The following CAMSAP2 variants were observed in gnomAD, a reference collection of about 807,000 sequenced individuals.
The protein encoded by CAMSAP2 is calmodulin-regulated spectrin-associated protein 2.
In CAMSAP2, 26 loss-of-function variants were observed where a neutral mutation model predicts 146.1. The ratio of observed to expected loss-of-function variants is 0.18; its 90% CI spans 0.13 to 0.25. The LOEUF is 0.25. Ranked by LOEUF, CAMSAP2 falls within the 10% of genes least tolerant of loss-of-function variation. The probability of loss-of-function intolerance (pLI) is 1.00; values close to 1 mark genes in which losing one functional copy is unlikely to be tolerated. For synonymous variants in CAMSAP2, 499 were observed against 596.6 expected, an observed-to-expected ratio of 0.84 and a Z score of 2.38; for missense variants, 1,381 against 1,759.3, an observed-to-expected ratio of 0.78 and a Z score of 3.85.
Position 200,847,685 on chromosome 1 carries a change from T to G in CAMSAP2, c.1238T>G (p.Ile413Arg). Residue 413 changes from isoleucine (I) to arginine (R), a missense_variant, in exon 10 of 17, where the codon ATA (isoleucine) becomes AGA (arginine). Around this residue, in one of 4 missense-constraint regions of CAMSAP2, gnomAD observed 447 missense variants for 462.2 expected, o/e 0.97. Coordinates refer to ENST00000358823, the MANE Select transcript of CAMSAP2 (RefSeq NM_203459.4). ...TCTATGTCTTATGTTGATGGCTTCA[T>G]AGGGACATGGCCCAAAGAGAAAAGG... ...SSSMSYVDGF[I>R]GTWPKEKRSS... 1 of 1,612,720 alleles carries G rather than the reference T, an allele frequency of 6.2e-7. No homozygotes were observed. Among genetic ancestry groups the G allele is most frequent in the Non-Finnish European group, 8.5e-7 (1 of 1,179,064 alleles).
At chr1:200,854,295 T>A (rs1667695715) in intron 13 of CAMSAP2, among the ~76,000 whole-genome samples, 1 of 152,104 alleles carries the variant, frequency 6.6e-6, no homozygotes, top group Admixed American at 6.6e-5. Context: ...CTCTTATTTT[T>A]AAAAAAATCT....
In CAMSAP2 at chr1:200,853,501, A is replaced by G. The variant is rs367649459; in HGVS notation, c.3823+6A>G. 3 of 1,586,770 alleles carry G rather than the reference A, an allele frequency of 1.9e-6. No individual in the cohort carries two copies. In the East Asian group the frequency reaches 6.7e-5, roughly 35 times the overall value. ...ACCAATAAAGGGTCCTCCAGGTAAC[A>G]TAGCTTATTATGAAGAGTCTGTTCA... On this transcript the variant is annotated splice_donor_region_variant and intron_variant, in intron 13 of 16. Coordinates refer to ENST00000358823, the MANE Select transcript of CAMSAP2 (RefSeq NM_203459.4). The surrounding 1 kb of genome is among the most constrained non-coding windows in gnomAD (Gnocchi z 5.1).
chr1:200,766,561 G>A (rs1664958015), intron 2 of CAMSAP2, among the ~76,000 whole-genome samples: 2 of 152,200 alleles, frequency 1.3e-5, no homozygotes. Context: ...TGAAGAAACT[G>A]AGGCTTTGAG....
rs1667523045 is a variant in CAMSAP2, at chr1:200,848,549, G to A, written c.1780G>A (p.Asp594Asn). 1 of 1,614,008 alleles carries A rather than the reference G, an allele frequency of 6.2e-7. No homozygotes were observed. The highest frequency in any genetic ancestry group is 8.5e-7 in the Non-Finnish European group (1 of 1,179,960). ...TCAATCTAGTCCTGATAATGTAACTGATACGAAAGGTGCCTTGAGTCCCAT... is the reference window on the plus strand; with the variant it reads ...TCAATCTAGTCCTGATAATGTAACTAATACGAAAGGTGCCTTGAGTCCCAT... ...LNQSSPDNVTDTKGALSPITD... is the reference protein window; with the variant it reads ...LNQSSPDNVTNTKGALSPITD... The change falls in exon 11 of 17, where the codon GAT becomes AAT. Residue 594 changes from aspartate (D) to asparagine (N), a missense_variant. Asp to Asn is a conservative substitution (Grantham distance 23). Coordinates refer to ENST00000358823, the MANE Select transcript of CAMSAP2 (RefSeq NM_203459.4).
intron 6 of CAMSAP2, among the ~76,000 whole-genome samples, chr1:200,836,670 GTTTTCCACATTGGTT>G (rs1180478271): frequency 6.6e-6 from 1 of 152,140 alleles, no homozygotes; most frequent in African/African-American, 2.4e-5. Flanking sequence ...TTACCACACT[GTTTTCCACATTGGTT>G]GAACTAGTTT....
chr1:200,748,448 G>A (rs966782565), intron 1 of CAMSAP2, among the ~76,000 whole-genome samples: 28 of 151,596 alleles, frequency 1.8e-4, no homozygotes, highest in African/African-American at 5.8e-4. Flanking sequence ...TTATTTTACA[G>A]TTTTATTTGT....
Position 200,797,386 on chromosome 1 carries a change from C to T in CAMSAP2, c.400-9990C>T, listed in dbSNP as rs1008139993. On this transcript the variant is annotated intron_variant, in intron 2 of 16. Transcript: ENST00000358823. Reference sequence around the variant, plus strand: ...TTCTAACTGGTGTGAGATGGTATCTCATTGTGGTTTTGATTTGCATTTCTC... The same window carrying T: ...TTCTAACTGGTGTGAGATGGTATCTTATTGTGGTTTTGATTTGCATTTCTC... 7.4e-3 allele frequency among the ~76,000 whole-genome samples: 1,116 copies of T among 151,634 alleles called. 12 individuals carry two copies. Among genetic ancestry groups the T allele is most frequent in the Middle Eastern group, 0.044 (13 of 294 alleles).
chr1:200,815,767 C>G (rs994403094), intron 4 of CAMSAP2, 123 bp downstream of exon 4: 2 of 440,446 alleles, frequency 4.5e-6, no homozygotes, highest in Non-Finnish European at 4.0e-6. Context: ...TAACTGTACC[C>G]TAGAAAGCCA....
rs1666539594 is a variant in CAMSAP2 at position 200,816,847 on chromosome 1, CACACACACGCGTGTGTATGTGTGT to C, written c.645+1212_645+1235del. The stretch of plus-strand genomic sequence containing the variant: ...ACACACACGCGTGTGTATGTGTGTA[CACACACACGCGTGTGTATGTGTGT>C]ACACACACACGCGTGTGTATGTGTG... On this transcript the variant is annotated intron_variant, in intron 4 of 16. Coordinates refer to ENST00000358823, the MANE Select transcript of CAMSAP2 (RefSeq NM_203459.4). 3.9e-5 allele frequency among the ~76,000 whole-genome samples: 2 copies of C among 50,978 alleles called. 1 individual carries two copies. The highest frequency in any genetic ancestry group is 6.8e-5 in the Non-Finnish European group (2 of 29,426). 33.4% of individuals were successfully genotyped at this position (50,978 alleles called of 152,430 possible). A position where few individuals can be genotyped will look rare whatever the true frequency, so the allele number is the denominator to read the frequency against.
Position 200,848,214 on chromosome 1 carries a change from A to C in CAMSAP2, c.1445A>C (p.Glu482Ala). The change falls in exon 11 of 17, where the codon GAA (glutamate) becomes GCA (alanine). Residue 482 changes from glutamate (E) to alanine (A), a missense_variant. Glu to Ala is a moderately radical substitution (Grantham distance 107, BLOSUM62 -1). Coordinates refer to ENST00000358823, the MANE Select transcript of CAMSAP2 (RefSeq NM_203459.4). ...LSFKPINGEE[E>A]AESIEEELNI... is the part of the protein sequence containing the mutation. The stretch of plus-strand genomic sequence containing the variant: ...TTCAAGCCAATAAATGGAGAAGAGG[A>C]AGCAGAGAGCATTGAAGAAGAACTT... 1 of 1,613,958 alleles carries C rather than the reference A, an allele frequency of 6.2e-7. No individual in the cohort carries two copies. Among genetic ancestry groups the C allele is most frequent in the Non-Finnish European group, 8.5e-7 (1 of 1,179,872 alleles).
intron 14 of CAMSAP2, among the ~76,000 whole-genome samples, 188 bp from the exon 15 acceptor site, chr1:200,855,822 T>G (rs1667735209): frequency 6.6e-6 from 1 of 152,024 alleles, no homozygotes; most frequent in Admixed American, 6.6e-5. Flanking sequence ...ATCTCGAACT[T>G]CTGACCTTGT....
intron 4 of CAMSAP2, among the ~76,000 whole-genome samples, chr1:200,823,797 AC>A (rs1335533699): frequency 6.6e-6 from 1 of 152,006 alleles, no homozygotes; most frequent in Non-Finnish European, 1.5e-5. Context: ...AATTAAGCTC[AC>A]TCCCTGAAAG....
At chr1:200,778,977 G>T (rs1400847123) in intron 2 of CAMSAP2, among the ~76,000 whole-genome samples, 2 of 152,146 alleles carry the variant, frequency 1.3e-5, no homozygotes, top group Admixed American at 1.3e-4. Flanking sequence ...TTGCCTCAGA[G>T]ACCTGAACAA....
At chr1:200,774,256 T>C (rs532820992) in intron 2 of CAMSAP2, among the ~76,000 whole-genome samples, 1 of 152,204 alleles carries the variant, frequency 6.6e-6, no homozygotes, top group Non-Finnish European at 1.5e-5. Flanking sequence ...GTAACTGTTA[T>C]TTTGTTGCTT....
At position 200,758,597 on chromosome 1, in the gene CAMSAP2, T is replaced by C. The variant is rs148322044; in HGVS notation, c.140-2242T>C. 3.9e-5 allele frequency among the ~76,000 whole-genome samples: 6 copies of C among 152,344 alleles called. No individual in the cohort carries two copies. In the East Asian group the frequency reaches 1.2e-3, roughly 29 times the overall value. Reference sequence around the variant, plus strand: ...GTCACCAAAATCCCAAATTGATACATCCACTCTTGACCTCTTTCCAGAGTC... The same window carrying C: ...GTCACCAAAATCCCAAATTGATACACCCACTCTTGACCTCTTTCCAGAGTC... On this transcript the variant is annotated intron_variant, in intron 1 of 16. Transcript: ENST00000358823.
chr1:200,752,566 G>T (rs1664536072), intron 1 of CAMSAP2, among the ~76,000 whole-genome samples: 1 of 151,072 alleles, frequency 6.6e-6, no homozygotes, highest in South Asian at 2.1e-4. Flanking sequence ...TTTCATTATT[G>T]CTATTTTATT....
At chr1:200,790,142 C>A (rs995642929) in intron 2 of CAMSAP2, among the ~76,000 whole-genome samples, 2 of 151,982 alleles carry the variant, frequency 1.3e-5, no homozygotes, top group African/African-American at 4.8e-5. Context: ...TTTTTTTCTC[C>A]TTCTTTAGGT....
At chr1:200,746,983 A>G (rs1664351476) in intron 1 of CAMSAP2, among the ~76,000 whole-genome samples, 1 of 151,860 alleles carries the variant, frequency 6.6e-6, no homozygotes, top group Non-Finnish European at 1.5e-5. Flanking sequence ...ATCAAAGCTC[A>G]TTGCAGCTTC....
chr1:200,796,185 C>T (rs10753881), intron 2 of CAMSAP2, among the ~76,000 whole-genome samples: 110,058 of 152,004 alleles, frequency 0.72, 39,945 homozygotes, highest in Middle Eastern at 0.78. Flanking sequence ...AACAGCAGTA[C>T]GTCTGGAACA....
Sources: gnomAD v4.1 joint callset for allele counts (sites outside exome capture counted in the v4.1 genomes callset) on GRCh38, gnomAD v4.1.1 for gene constraint, gnomAD v4.1.1 regional missense constraint, Gnocchi (gnomAD v3.1) non-coding constraint, MANE v1.5 for transcripts, NCBI Gene and HGNC (gene_info 2026-07-23, HGNC 2026-07-21) for gene names.